The following BAZ1A variants were observed in gnomAD, a reference collection of about 807,000 sequenced individuals.
BAZ1A encodes bromodomain adjacent to zinc finger domain protein 1A.
Under a neutral mutation model 185.2 loss-of-function variants are expected in BAZ1A, and 50 were observed. The observed-to-expected ratio is 0.27, with a 90% CI of 0.22 to 0.34. The LOEUF is 0.34. BAZ1A is among the 10% of genes least tolerant of loss of function. The probability of loss-of-function intolerance (pLI) is 1.00; values close to 1 mark genes in which losing one functional copy is unlikely to be tolerated. For missense variants in BAZ1A, 1,356 were observed against 1,839.9 expected (o/e 0.74, Z 4.81); for synonymous variants, 571 against 615.6 (o/e 0.93, Z 1.07).
intron 3 of BAZ1A, among the ~76,000 whole-genome samples, chr14:34,843,097 T>C (rs2042443376): frequency 6.7e-6 from 1 of 150,068 alleles, no homozygotes; most frequent in Admixed American, 6.7e-5. Flanking sequence ...GTGACTATAA[T>C]GTAAGAAAAC....
chr14:34,857,253 G>A (rs538152918), intron 3 of BAZ1A, among the ~76,000 whole-genome samples: 85 of 151,980 alleles, frequency 5.6e-4, no homozygotes, highest in Non-Finnish European at 1.5e-5. Context: ...TGATCTGCCC[G>A]CCTTGGCCTC....
chr14:34,872,913 T>TAAAAAAAA lies in BAZ1A; in HGVS notation c.113+1571_113+1578dup, dbSNP rs35955993. ...AGCAAGGCCTGTAGCTTTAAAATCC[T>TAAAAAAAA]AAAAAAAAAAAAAAAAAAAAAAAAA... On this transcript the variant is annotated intron_variant, in intron 2 of 26. Transcript: ENST00000360310. Among the ~76,000 whole-genome samples the TAAAAAAAA allele has an allele frequency of 8.7e-4, 66 of 76,178 alleles. 5 individuals are homozygous for TAAAAAAAA. Among genetic ancestry groups the TAAAAAAAA allele is most frequent in the South Asian group, 7.6e-3 (15 of 1,982 alleles). The allele number at this position is 76,178 out of a possible 152,430, so 50.0% of individuals were successfully genotyped here. A position where few individuals can be genotyped will look rare whatever the true frequency, so the allele number is the denominator to read the frequency against.
intron 2 of BAZ1A, among the ~76,000 whole-genome samples, chr14:34,873,835 G>GC (rs1181099850): frequency 1.3e-5 from 2 of 152,194 alleles, no homozygotes; most frequent in African/African-American, 4.8e-5. Flanking sequence ...GCACTCCGAG[G>GC]CCTAGCAGCG....
intron 3 of BAZ1A, among the ~76,000 whole-genome samples, chr14:34,845,092 T>C (rs2042487634): frequency 6.6e-6 from 1 of 152,146 alleles, no homozygotes; most frequent in Admixed American, 6.5e-5. Context: ...TTTGAACCTT[T>C]GTGTTTTTAA....
In BAZ1A at chr14:34,764,846, C is replaced by G; in HGVS notation, c.3637G>C (p.Glu1213Gln). ...CTGTCTTCCACATCTTCATCACTTT[C>G]CAAGGATGGTCTCTGTCTAGAGGAG... ...RLSSRQRPSL[E>Q]SDEDVEDSMG... The change falls in exon 23 of 27, where the codon GAA becomes CAA. Residue 1213 changes from glutamate (E) to glutamine (Q), a missense_variant. By Grantham distance (29) the Glu-to-Gln change is conservative. This residue lies in a region of BAZ1A where 309 missense variants were observed against 355.3 expected (regional missense o/e 0.87). Coordinates refer to ENST00000360310, the MANE Select transcript of BAZ1A (RefSeq NM_013448.3). 2 of 1,614,148 alleles carry G rather than the reference C, an allele frequency of 1.2e-6. No individual in the cohort carries two copies. Among genetic ancestry groups the G allele is most frequent in the South Asian group, 2.2e-5 (2 of 91,086 alleles).
chr14:34,754,417 CAAAAA>C (rs111245900), intron 26 of BAZ1A, among the ~76,000 whole-genome samples: 5 of 104,890 alleles, frequency 4.8e-5, no homozygotes, highest in African/African-American at 1.1e-4. Context: ...AGACGTATCT[CAAAAA>C]AAAAAAAAAA....
At chr14:34,756,078 C>T (rs199611674) in intron 25 of BAZ1A, among the ~76,000 whole-genome samples, 1 of 145,934 alleles carries the variant, frequency 6.9e-6, no homozygotes, top group African/African-American at 2.7e-5. Context: ...TGGGCTCAAG[C>T]GATCCACCTG....
rs564135446 is a variant in BAZ1A, at chr14:34,818,868, G to A, written c.536+7145C>T. Among the ~76,000 whole-genome samples, 3 of 152,092 alleles carry A rather than the reference G, an allele frequency of 2.0e-5. No individual in the cohort carries two copies. In the South Asian group the frequency reaches 6.2e-4, roughly 32 times the overall value. ...GATAAGAATGAATCTTCGGCCGGGCGCAGTGGCTCAAGCCTGTAATACCAG... is the reference window on the plus strand; with the variant it reads ...GATAAGAATGAATCTTCGGCCGGGCACAGTGGCTCAAGCCTGTAATACCAG... On this transcript the variant is annotated intron_variant, in intron 4 of 26. Transcript: ENST00000360310.
intron 3 of BAZ1A, among the ~76,000 whole-genome samples, chr14:34,850,370 C>T (rs916451224): frequency 1.6e-4 from 25 of 152,066 alleles, no homozygotes; most frequent in African/African-American, 5.8e-4. Context: ...AGGGCAAGAC[C>T]CTGTCTCAAA....
chr14:34,800,002 A>G (rs1249361077), intron 9 of BAZ1A, among the ~76,000 whole-genome samples: 1 of 152,212 alleles, frequency 6.6e-6, no homozygotes, highest in Non-Finnish European at 1.5e-5. Flanking sequence ...AAATCTAAAC[A>G]ATGAAATCAT....
At chr14:34,775,274 G>A (rs778038068) in intron 18 of BAZ1A, among the ~76,000 whole-genome samples, 30 of 151,988 alleles carry the variant, frequency 2.0e-4, no homozygotes, top group African/African-American at 5.8e-4. Flanking sequence ...AAGTGGTCAT[G>A]GTAACATGCC....
intron 4 of BAZ1A, among the ~76,000 whole-genome samples, chr14:34,816,471 A>C (rs1187363608): frequency 1.3e-5 from 2 of 152,132 alleles, no homozygotes; most frequent in Non-Finnish European, 2.9e-5. Context: ...GTACTCATGT[A>C]TTCATGTACT....
chr14:34,805,738 T>C (rs778995805), intron 6 of BAZ1A, among the ~76,000 whole-genome samples: 1 of 152,248 alleles, frequency 6.6e-6, no homozygotes, highest in Non-Finnish European at 1.5e-5. Context: ...CAAGTTTTTA[T>C]ATTTCATCCA....
intron 14 of BAZ1A, among the ~76,000 whole-genome samples, chr14:34,784,787 G>T (rs1246155669): frequency 1.3e-5 from 2 of 151,944 alleles, no homozygotes; most frequent in African/African-American, 2.4e-5. Context: ...CAAAGTACTG[G>T]GATTACAGGC....
At chr14:34,820,411 C>T (rs2042072257) in intron 4 of BAZ1A, among the ~76,000 whole-genome samples, 2 of 152,236 alleles carry the variant, frequency 1.3e-5, no homozygotes, top group South Asian at 4.2e-4. Flanking sequence ...GGATTACAGG[C>T]GTGAGCCATG....
intron 7 of BAZ1A, among the ~76,000 whole-genome samples, 166 bp from the exon 8 acceptor site, chr14:34,801,359 T>G (rs1256931254): frequency 6.6e-6 from 1 of 152,076 alleles, no homozygotes; most frequent in African/African-American, 2.4e-5. Flanking sequence ...TGGTGTGATC[T>G]CGGCTCACTG....
chr14:34,757,793 G>A (rs1392873147), intron 25 of BAZ1A, among the ~76,000 whole-genome samples: 3 of 149,332 alleles, frequency 2.0e-5, no homozygotes, highest in African/African-American at 7.4e-5. Flanking sequence ...AGCCTGGAGT[G>A]TGGACTGCAA....
chr14:34,786,267 A>G, intron 12 of BAZ1A, 46 bp from the exon 13 acceptor site: 2 of 1,520,256 alleles, frequency 1.3e-6, no homozygotes, highest in Non-Finnish European at 1.8e-6. Flanking sequence ...CAAAGCTTGA[A>G]TATTTGGGAA....
At chr14:34,820,461 T>A (rs1463401248) in intron 4 of BAZ1A, among the ~76,000 whole-genome samples, 1 of 152,126 alleles carries the variant, frequency 6.6e-6, no homozygotes, top group African/African-American at 2.4e-5. Flanking sequence ...GATTTAAGAG[T>A]TATTTGTATA....
Sources: allele counts gnomAD v4.1 joint callset (sites outside exome capture counted in the v4.1 genomes callset), GRCh38; gene constraint gnomAD v4.1.1; regional missense constraint gnomAD v4.1.1; transcripts MANE v1.5; gene names NCBI Gene and HGNC (gene_info 2026-07-23, HGNC 2026-07-21).